Variants in CSMD1 observed in about 807,000 individuals in gnomAD.
CSMD1 encodes the protein CUB and Sushi multiple domains 1.
Under a neutral mutation model 417.5 loss-of-function variants are expected in CSMD1, and 213 were observed. That is an observed-to-expected ratio of 0.51 (90% CI 0.46 to 0.57). CSMD1 has a LOEUF of 0.57. CSMD1 is among the 20% of genes least tolerant of loss of function. The pLI, the probability that CSMD1 is intolerant of heterozygous loss-of-function variation, is 0.00. For missense variants in CSMD1, 6,923 were observed against 4,529.7 expected, an observed-to-expected ratio of 1.53 and a Z score of -15.17; for synonymous variants, 2,862 against 1,736.8, an observed-to-expected ratio of 1.65 and a Z score of -16.11.
At chr8:3,201,570 G>C (rs892203473) in intron 32 of CSMD1, 42 bp downstream of exon 32, 5 of 1,069,414 alleles carry the variant, frequency 4.7e-6, no homozygotes, top group Non-Finnish European at 6.9e-6. Context: ...AATCCCCCTA[G>C]CTGTCTGAAC....
At chr8:3,180,520 A>T (rs1007251134) in intron 37 of CSMD1, among the ~76,000 whole-genome samples, 6 of 152,160 alleles carry the variant, frequency 3.9e-5, no homozygotes, top group East Asian at 1.9e-4. Flanking sequence ...CAAGTGGTTC[A>T]TTTTTGTGCT....
intron 12 of CSMD1, among the ~76,000 whole-genome samples, chr8:3,446,580 C>T (rs1013712492): frequency 3.9e-5 from 6 of 152,140 alleles, no homozygotes; most frequent in East Asian, 1.9e-4. Flanking sequence ...TTCCTCTCCA[C>T]GGGTAAACAG....
At chr8:4,192,132 G>T (rs146820443) in intron 3 of CSMD1, among the ~76,000 whole-genome samples, 4 of 152,242 alleles carry the variant, frequency 2.6e-5, no homozygotes, top group African/African-American at 7.2e-5. Flanking sequence ...TTGCAAATAT[G>T]ACGCGTCTTC....
intron 41 of CSMD1, among the ~76,000 whole-genome samples, chr8:3,125,490 G>C (rs566363674): frequency 6.6e-6 from 1 of 152,324 alleles, no homozygotes; most frequent in Middle Eastern, 3.4e-3. Flanking sequence ...AAGAAAAAAA[G>C]ATCACTTCAG....
intron 25 of CSMD1, among the ~76,000 whole-genome samples, chr8:3,300,732 A>G (rs1033932637): frequency 1.5e-4 from 23 of 152,040 alleles, no homozygotes; most frequent in African/African-American, 5.6e-4. Context: ...CGAGGCGGGC[A>G]GATCATTGGA....
intron 2 of CSMD1, among the ~76,000 whole-genome samples, chr8:4,599,260 C>T (rs1194888595): frequency 6.6e-6 from 1 of 152,048 alleles, no homozygotes; most frequent in Non-Finnish European, 1.5e-5. Flanking sequence ...CCCATGTGTC[C>T]AAGCAAGGAG....
intron 3 of CSMD1, among the ~76,000 whole-genome samples, chr8:4,223,772 G>C (rs930254103): frequency 8.5e-5 from 13 of 152,300 alleles, no homozygotes; most frequent in East Asian, 3.9e-4. Flanking sequence ...AGGTGACCTA[G>C]TCTGATGCAA....
chr8:3,209,642 G>A (rs1797492444), intron 30 of CSMD1, among the ~76,000 whole-genome samples: 1 of 152,116 alleles, frequency 6.6e-6, no homozygotes, highest in African/African-American at 2.4e-5. Flanking sequence ...TAATTGTTAT[G>A]TCTGCATTAC....
chr8:4,079,890 A>G (rs1261350852), intron 3 of CSMD1, among the ~76,000 whole-genome samples: 1 of 152,210 alleles, frequency 6.6e-6, no homozygotes, highest in Non-Finnish European at 1.5e-5. Flanking sequence ...AGGCTGGGGC[A>G]GAAGGGCCAT....
chr8:4,538,220 G>A (rs1797202215), intron 2 of CSMD1, among the ~76,000 whole-genome samples: 2 of 145,468 alleles, frequency 1.4e-5, no homozygotes. Flanking sequence ...GCTATTTACT[G>A]CCTTGATGTA....
intron 3 of CSMD1, among the ~76,000 whole-genome samples, chr8:4,078,639 C>A (rs1406938457): frequency 6.6e-6 from 1 of 150,606 alleles, no homozygotes; most frequent in Admixed American, 6.6e-5. Flanking sequence ...CTGTATTTCA[C>A]ATGTATTTCT....
chr8:4,725,134 A>G (rs1322620976), intron 1 of CSMD1, among the ~76,000 whole-genome samples: 1 of 152,222 alleles, frequency 6.6e-6, no homozygotes, highest in African/African-American at 2.4e-5. Context: ...TGTTTTACAC[A>G]TTATAAAAGT....
intron 5 of CSMD1, among the ~76,000 whole-genome samples, chr8:3,912,383 T>C (rs576591593): frequency 6.6e-6 from 1 of 152,186 alleles, no homozygotes; most frequent in Non-Finnish European, 1.5e-5. Flanking sequence ...AAGGCAATCT[T>C]CTAGCCAATT....
At chr8:4,252,011 C>T (rs765726884) in intron 3 of CSMD1, among the ~76,000 whole-genome samples, 4 of 151,940 alleles carry the variant, frequency 2.6e-5, no homozygotes, top group Non-Finnish European at 5.9e-5. Context: ...AGAGAACTTA[C>T]GTATTTTTGA....
At chr8:3,006,327 CG>C (rs1209643065) in intron 52 of CSMD1, among the ~76,000 whole-genome samples, 1 of 149,960 alleles carries the variant, frequency 6.7e-6, no homozygotes, top group Non-Finnish European at 1.5e-5. Context: ...GAATCAATAT[CG>C]TGAAAATGGC....
intron 5 of CSMD1, among the ~76,000 whole-genome samples, chr8:3,989,351 T>C (rs1814572095): frequency 6.6e-6 from 1 of 152,196 alleles, no homozygotes; most frequent in African/African-American, 2.4e-5. Flanking sequence ...GCTTAGCAAC[T>C]ATGCTTTTAT....
intron 4 of CSMD1, among the ~76,000 whole-genome samples, chr8:4,018,784 G>A (rs369988843): frequency 3.7e-4 from 57 of 152,296 alleles, no homozygotes; most frequent in African/African-American, 1.3e-3. Flanking sequence ...TAGCCAAAGT[G>A]TCCAGGGTCA....
At chr8:4,376,181 A>G (rs764559957) in intron 3 of CSMD1, among the ~76,000 whole-genome samples, 5 of 152,236 alleles carry the variant, frequency 3.3e-5, no homozygotes, top group African/African-American at 9.6e-5. Context: ...AACTGTATCA[A>G]AAGAATTTAT....
chr8:3,820,434 G>A (rs927302324), intron 5 of CSMD1, among the ~76,000 whole-genome samples: 3 of 152,182 alleles, frequency 2.0e-5, no homozygotes, highest in Non-Finnish European at 4.4e-5. Context: ...CACAGGGTCA[G>A]GACAATCAAT....
Sources: allele counts gnomAD v4.1 joint callset (sites outside exome capture counted in the v4.1 genomes callset), GRCh38; gene constraint gnomAD v4.1.1; transcripts MANE v1.5; gene names NCBI Gene and HGNC (gene_info 2026-07-23, HGNC 2026-07-21).